Variants in GABRA3 observed in about 807,000 individuals in gnomAD.
The protein encoded by GABRA3 is gamma-aminobutyric acid receptor subunit alpha-3.
A neutral mutation model predicts 30.1 loss-of-function variants in GABRA3; 10 were observed. The ratio of observed to expected loss-of-function variants is 0.33; its 90% CI spans 0.20 to 0.56. The LOEUF is 0.56. GABRA3 is among the 20% of genes least tolerant of loss of function. The pLI is 0.89. For missense variants in GABRA3, 233 were observed against 392.0 expected (o/e 0.59, Z 3.42); for synonymous variants, 151 against 146.8 (o/e 1.03, Z -0.21).
chrX:152,252,890 C>T (rs1262664357), intron 5 of GABRA3, among the ~76,000 whole-genome samples: 1 of 111,417 alleles, frequency 9.0e-6, no homozygotes, highest in Non-Finnish European at 1.9e-5. Flanking sequence ...TATGTATTGG[C>T]TCTTGAGGGG....
At chrX:152,169,311 G>A (rs1392269965) in intron 9 of GABRA3, among the ~76,000 whole-genome samples, 2 of 112,316 alleles carry the variant, frequency 1.8e-5, no homozygotes. Context: ...AAGCTCAGGA[G>A]CGGGCCAAGG....
At chrX:152,425,799 C>T (rs1930501810) in intron 1 of GABRA3, among the ~76,000 whole-genome samples, 1 of 110,263 alleles carries the variant, frequency 9.1e-6, no homozygotes. Context: ...TGTCCCCTTT[C>T]CCTGATGTAC....
chrX:152,360,712 TA>T (rs1290227612), intron 2 of GABRA3, among the ~76,000 whole-genome samples: 726 of 31,412 alleles, frequency 0.023, 9 homozygotes, highest in African/African-American at 0.059. Flanking sequence ...AAAAAAAAAT[TA>T]AAAAAAAAAA....
At chrX:152,218,732 G>A (rs1471281416) in intron 6 of GABRA3, among the ~76,000 whole-genome samples, 1 of 111,206 alleles carries the variant, frequency 9.0e-6, no homozygotes, top group African/African-American at 3.3e-5. Flanking sequence ...TTCTACAGAG[G>A]AGGAAAGAAG....
At chrX:152,354,847 GGT>G (rs1940526286) in intron 2 of GABRA3, among the ~76,000 whole-genome samples, 1 of 111,299 alleles carries the variant, frequency 9.0e-6, no homozygotes, top group Admixed American at 9.6e-5. Flanking sequence ...TCCCAAGTCT[GGT>G]TCTGAAATTT....
At chrX:152,240,172 A>T (rs1205151509) in intron 5 of GABRA3, among the ~76,000 whole-genome samples, 3 of 105,000 alleles carry the variant, frequency 2.9e-5, no homozygotes, top group Admixed American at 1.0e-4. Flanking sequence ...CTTCAGGAGC[A>T]CTTTTAGGGC....
At chrX:152,331,988 T>C (rs752800447) in intron 3 of GABRA3, among the ~76,000 whole-genome samples, 4 of 112,259 alleles carry the variant, frequency 3.6e-5, no homozygotes, top group Non-Finnish European at 7.5e-5. Flanking sequence ...TTTGAGTTGG[T>C]GTGTTACACT....
At chrX:152,386,805 C>G (rs1430766192) in intron 1 of GABRA3, among the ~76,000 whole-genome samples, 1 of 110,053 alleles carries the variant, frequency 9.1e-6, no homozygotes, top group African/African-American at 3.3e-5. Context: ...GGGTATATAC[C>G]CAAAGGACTA....
At chrX:152,344,960 G>A (rs902099679) in intron 3 of GABRA3, among the ~76,000 whole-genome samples, 1 of 111,670 alleles carries the variant, frequency 9.0e-6, no homozygotes. Context: ...ATAATAACCC[G>A]TGATATATTA....
At chrX:152,250,499 A>G (rs918093775) in intron 5 of GABRA3, 1 of 111,676 alleles carries the variant, frequency 9.0e-6, no homozygotes, top group Non-Finnish European at 1.9e-5. Flanking sequence ...TACAACGAAC[A>G]TGTTTACCCG....
intron 4 of GABRA3, among the ~76,000 whole-genome samples, chrX:152,282,335 G>C (rs1241414241): frequency 9.0e-6 from 1 of 111,169 alleles, no homozygotes; most frequent in Non-Finnish European, 1.9e-5. Context: ...GAAACTAGTT[G>C]CCAAAGTCAG....
chrX:152,341,493 T>C (rs1367568016), intron 3 of GABRA3, among the ~76,000 whole-genome samples: 4 of 110,627 alleles, frequency 3.6e-5, no homozygotes, highest in Non-Finnish European at 5.7e-5. Flanking sequence ...ATATGCCCAC[T>C]AGCAGTGTAT....
At chrX:152,433,720 A>AAAATCAAT (rs1930705731) in intron 1 of GABRA3, among the ~76,000 whole-genome samples, 1 of 109,549 alleles carries the variant, frequency 9.1e-6, no homozygotes, top group African/African-American at 3.3e-5. Context: ...AAAAAAAAAA[A>AAAATCAAT]AAATCAATGA....
At chrX:152,303,227 T>C (rs1259109164) in intron 3 of GABRA3, among the ~76,000 whole-genome samples, 2 of 112,286 alleles carry the variant, frequency 1.8e-5, no homozygotes, top group African/African-American at 3.2e-5. Context: ...CTCTACAACA[T>C]TGGCAATATC....
intron 6 of GABRA3, among the ~76,000 whole-genome samples, chrX:152,210,274 A>G (rs755794378): frequency 1.8e-5 from 2 of 112,190 alleles, no homozygotes; most frequent in South Asian, 3.7e-4. Flanking sequence ...CTTTATTTCT[A>G]TAAGAAAATG....
intron 1 of GABRA3, among the ~76,000 whole-genome samples, chrX:152,404,740 TA>T (rs1929884959): frequency 4.6e-4 from 11 of 24,107 alleles, no homozygotes; most frequent in African/African-American, 1.4e-3. Flanking sequence ...CATTTATTAT[TA>T]TTATTATTAT....
At chrX:152,401,532 C>G (rs1219779419) in intron 1 of GABRA3, among the ~76,000 whole-genome samples, 1 of 111,466 alleles carries the variant, frequency 9.0e-6, no homozygotes, top group Non-Finnish European at 1.9e-5. Flanking sequence ...GAGGTTTTTA[C>G]TTGCTCACAA....
At chrX:152,422,449 A>C (rs142714304) in intron 1 of GABRA3, among the ~76,000 whole-genome samples, 2,139 of 110,762 alleles carry the variant, frequency 0.019, 25 homozygotes, top group Non-Finnish European at 0.027. Flanking sequence ...CTGGTGTGTT[A>C]ATTTTTTTTT....
At chrX:152,347,055 G>T (rs889479550) in intron 2 of GABRA3, among the ~76,000 whole-genome samples, 2 of 111,984 alleles carry the variant, frequency 1.8e-5, no homozygotes, top group Non-Finnish European at 3.8e-5. Flanking sequence ...GTTTGTCACA[G>T]GACTGTTCAC....
Sources: allele counts gnomAD v4.1 joint callset (sites outside exome capture counted in the v4.1 genomes callset), GRCh38; gene constraint gnomAD v4.1.1; transcripts MANE v1.5; gene names NCBI Gene and HGNC (gene_info 2026-07-23, HGNC 2026-07-21).